TTC39C: variants seen among roughly 807,000 people sequenced by gnomAD.
TTC39C encodes the protein tetratricopeptide repeat domain 39C, also known as tetratricopeptide repeat protein 39C.
TTC39C carries 33 observed loss-of-function variants against 76.3 expected under a neutral mutation model. The observed-to-expected ratio is 0.43, with a 90% CI of 0.33 to 0.58. The LOEUF (loss-of-function observed/expected upper bound fraction) is 0.58, where lower values mean the gene tolerates loss of function less well. Ranked by LOEUF, TTC39C falls within the 20% of genes least tolerant of loss-of-function variation. The pLI is 0.04. For missense variants in TTC39C, 595 were observed against 701.4 expected (o/e 0.85, Z 1.71); for synonymous variants, 254 against 260.6 (o/e 0.97, Z 0.24).
intron 1 of TTC39C, among the ~76,000 whole-genome samples, chr18:24,057,760 C>T (rs1378595318): frequency 2.0e-5 from 3 of 152,106 alleles, no homozygotes; most frequent in Non-Finnish European, 4.4e-5. Flanking sequence ...GGAACATAAT[C>T]ATTCATTTCT....
chr18:24,093,833 G>A (rs1405192346), intron 6 of TTC39C, among the ~76,000 whole-genome samples: 2 of 152,132 alleles, frequency 1.3e-5, no homozygotes, highest in Non-Finnish European at 2.9e-5. Flanking sequence ...TCAGCAAGTC[G>A]TAATCTTTTG....
intron 13 of TTC39C, 52 bp from the exon 14 acceptor site, chr18:24,132,411 GTGTGCTTTATACCACAGTACCC>G: frequency 2.3e-6 from 3 of 1,303,628 alleles, no homozygotes; most frequent in Non-Finnish European, 3.2e-6. Flanking sequence ...GCAAAATTGA[GTGTGCTTTATACCACAGTACCC>G]TGTGCAAGCT....
chr18:24,051,362 C>G (rs1195164460), intron 1 of TTC39C, among the ~76,000 whole-genome samples: 1 of 152,202 alleles, frequency 6.6e-6, no homozygotes, highest in African/African-American at 2.4e-5. Context: ...TAAACAGAAA[C>G]TGCAGTGGCT....
intron 1 of TTC39C, among the ~76,000 whole-genome samples, chr18:24,033,739 A>T (rs893695607): frequency 1.2e-4 from 19 of 152,244 alleles, no homozygotes; most frequent in African/African-American, 4.1e-4. Flanking sequence ...ACAAATCATT[A>T]TGTATGTAAC....
chr18:24,054,555 G>A (rs943329335), intron 1 of TTC39C, among the ~76,000 whole-genome samples: 12 of 152,116 alleles, frequency 7.9e-5, no homozygotes, highest in African/African-American at 2.9e-4. Context: ...TGATCTTCTT[G>A]CCCTTCACAA....
At chr18:24,043,255 G>T (rs1382002158) in intron 1 of TTC39C, among the ~76,000 whole-genome samples, 1 of 152,146 alleles carries the variant, frequency 6.6e-6, no homozygotes, top group African/African-American at 2.4e-5. Flanking sequence ...CCAGCTATTT[G>T]GGAGGCTGAG....
intron 6 of TTC39C, among the ~76,000 whole-genome samples, chr18:24,094,729 A>G (rs1354493072): frequency 2.0e-5 from 3 of 152,268 alleles, no homozygotes; most frequent in Non-Finnish European, 2.9e-5. Flanking sequence ...ATGTCCCAAC[A>G]GTGTGCTTAA....
At chr18:24,040,684 A>C (rs1172105903) in intron 1 of TTC39C, among the ~76,000 whole-genome samples, 1 of 152,238 alleles carries the variant, frequency 6.6e-6, no homozygotes, top group Non-Finnish European at 1.5e-5. Flanking sequence ...ACTAGTAAAG[A>C]GAAAAGCCCA....
chr18:24,019,978 A>G (rs550036482), intron 1 of TTC39C: 1 of 1,466,464 alleles, frequency 6.8e-7, no homozygotes, highest in South Asian at 1.4e-5. Flanking sequence ...ACCATGTCAG[A>G]TTCTTGGGAG....
At chr18:24,092,123 A>AAAAATAAT (rs1555775346) in intron 6 of TTC39C, among the ~76,000 whole-genome samples, 13 of 50,496 alleles carry the variant, frequency 2.6e-4, no homozygotes, top group East Asian at 7.1e-4. Context: ...AAAAAAAAAA[A>AAAAATAAT]AATAATAATA....
chr18:24,036,085 T>C (rs2083729086), intron 1 of TTC39C, among the ~76,000 whole-genome samples: 1 of 151,688 alleles, frequency 6.6e-6, no homozygotes, highest in East Asian at 1.9e-4. Flanking sequence ...TTTGCATTGG[T>C]CTATATGTCA....
chr18:24,089,127 G>T (rs2084484405), intron 6 of TTC39C, among the ~76,000 whole-genome samples: 1 of 152,172 alleles, frequency 6.6e-6, no homozygotes, highest in Non-Finnish European at 1.5e-5. Context: ...TCAGATAGAA[G>T]AAAGAACAGG....
At chr18:23,995,743 A>G (rs1306463046) in intron 1 of TTC39C, among the ~76,000 whole-genome samples, 3 of 150,948 alleles carry the variant, frequency 2.0e-5, no homozygotes, top group Non-Finnish European at 4.4e-5. Context: ...GGTGGGATAC[A>G]CCTGTAGTCC....
At position 24,132,748 on chromosome 18, in the gene TTC39C, T is replaced by G; in HGVS notation, c.*174T>G. On this transcript the variant is annotated 3_prime_UTR_variant, in exon 14 of 14. Coordinates refer to ENST00000317571, the MANE Select transcript of TTC39C (RefSeq NM_001135993.2). The stretch of plus-strand genomic sequence containing the variant: ...AGATCTCCTCTTTTAAACATGTAGC[T>G]GAAAAGTAATAATGATGTTGAGGAG... The G allele has an allele frequency of 3.9e-6, 2 of 508,176 alleles. No homozygotes were observed. Among genetic ancestry groups the G allele is most frequent in the South Asian group, 6.5e-5 (2 of 30,844 alleles). 31.5% of individuals were successfully genotyped at this position (508,176 alleles called of 1,614,324 possible). A position where few individuals can be genotyped will look rare whatever the true frequency, so the allele number is the denominator to read the frequency against.
At chr18:24,116,706 G>T (rs2084895938) in intron 7 of TTC39C, among the ~76,000 whole-genome samples, 1 of 151,784 alleles carries the variant, frequency 6.6e-6, no homozygotes, top group African/African-American at 2.4e-5. Context: ...CCTGATAACA[G>T]AATATTTTTT....
chr18:24,071,663 A>G (rs2084242977), intron 4 of TTC39C, among the ~76,000 whole-genome samples: 1 of 152,232 alleles, frequency 6.6e-6, no homozygotes, highest in Admixed American at 6.5e-5. Flanking sequence ...TCATATGGGT[A>G]TGCCCTAATG....
At chr18:24,128,787 A>G in intron 10 of TTC39C, 99 bp from the exon 11 acceptor site, 1 of 935,298 alleles carries the variant, frequency 1.1e-6, no homozygotes, top group Non-Finnish European at 1.6e-6. Flanking sequence ...ATCAGGAGGC[A>G]GAAACATGAA....
At chr18:24,029,972 A>G (rs1317656336) in intron 1 of TTC39C, among the ~76,000 whole-genome samples, 3 of 152,210 alleles carry the variant, frequency 2.0e-5, no homozygotes, top group African/African-American at 7.2e-5. Context: ...ATGCATGTAC[A>G]TGTGTCTTTT....
intron 6 of TTC39C, among the ~76,000 whole-genome samples, chr18:24,099,780 GT>G (rs2084654507): frequency 1.3e-5 from 2 of 151,828 alleles, no homozygotes; most frequent in African/African-American, 4.8e-5. Flanking sequence ...TTTGAAATCA[GT>G]TTTTTAATAA....
Sources: allele counts gnomAD v4.1 joint callset (sites outside exome capture counted in the v4.1 genomes callset), GRCh38; gene constraint gnomAD v4.1.1; transcripts MANE v1.5; gene names NCBI Gene and HGNC (gene_info 2026-07-23, HGNC 2026-07-21).